The following HADHA variants were observed in gnomAD, a reference collection of about 807,000 sequenced individuals.
HADHA encodes hydroxyacyl-CoA dehydrogenase trifunctional multienzyme complex subunit alpha, also known as trifunctional enzyme subunit alpha, mitochondrial.
A neutral mutation model predicts 91.3 loss-of-function variants in HADHA; 59 were observed. That is an observed-to-expected ratio of 0.65 (90% CI 0.52 to 0.80). HADHA has a LOEUF of 0.80. HADHA is among the 30% of genes least tolerant of loss of function. The probability of loss-of-function intolerance (pLI) is 0.00; values close to 1 mark genes in which losing one functional copy is unlikely to be tolerated. For synonymous variants in HADHA, 320 were observed against 338.9 expected (o/e 0.94, Z 0.61); for missense variants, 800 against 927.6 (o/e 0.86, Z 1.79).
At position 26,234,079 on chromosome 2, in the gene HADHA, C is replaced by G. The variant is rs143980084; in HGVS notation, c.453+138G>C. ...CTGGGAGACAAGAGCAAAATTCCGT[C>G]TCAAAGCAAAAAACAAAAAACAAAG... On this transcript the variant is annotated intron_variant, in intron 5 of 19. Coordinates refer to ENST00000380649, the MANE Select transcript of HADHA (RefSeq NM_000182.5). The G allele has an allele frequency of 1.3e-3, 1,066 of 820,284 alleles. 7 individuals are homozygous for G. In the African/African-American group the frequency reaches 0.017, roughly 13 times the overall value. 50.8% of individuals were successfully genotyped at this position (820,284 alleles called of 1,614,324 possible).
chr2:26,225,247 G>C (rs747876565), intron 7 of HADHA, among the ~76,000 whole-genome samples: 1 of 152,100 alleles, frequency 6.6e-6, no homozygotes, highest in Non-Finnish European at 1.5e-5. Context: ...CACTTTGGGA[G>C]GCTGAGGCAG....
chr2:26,220,812 T>C (rs1670356485), intron 7 of HADHA, among the ~76,000 whole-genome samples: 1 of 152,250 alleles, frequency 6.6e-6, no homozygotes, highest in South Asian at 2.1e-4. Flanking sequence ...GAGAGCCTGA[T>C]TACCTTGTCC....
chr2:26,211,360 G>A (rs1416333368), intron 10 of HADHA, among the ~76,000 whole-genome samples: 2 of 151,634 alleles, frequency 1.3e-5, no homozygotes, highest in African/African-American at 4.9e-5. Context: ...TCCTTTTACA[G>A]GTTGAGCATC....
At position 26,230,274 on chromosome 2, in the gene HADHA, C is replaced by T; in HGVS notation, c.594G>A (p.Leu198=). 1 of 1,613,046 alleles carries T rather than the reference C, an allele frequency of 6.2e-7. No individual in the cohort carries two copies. The highest frequency in any genetic ancestry group is 8.5e-7 in the Non-Finnish European group (1 of 1,179,186). The stretch of plus-strand genomic sequence containing the variant: ...TGCTTCTACCAGTCAGCATCATGTC[C>T]AAAGCAGCAGGCACACCCACCTAAC... ...LPKMVGVPAA[L]DMMLTGRSIR... is the part of the protein sequence containing the mutation. The change falls in exon 7 of 20, where the codon TTG becomes TTA. Residue 198 remains leucine (L), a synonymous_variant. Coordinates refer to ENST00000380649, the MANE Select transcript of HADHA (RefSeq NM_000182.5).
chr2:26,242,821 G>A (rs13412468), intron 1 of HADHA, among the ~76,000 whole-genome samples: 3 of 152,140 alleles, frequency 2.0e-5, no homozygotes, highest in Non-Finnish European at 4.4e-5. Context: ...GCGCGATCTC[G>A]GCTCACTGCA....
At position 26,244,623 on chromosome 2, in the gene HADHA, G is replaced by T; in HGVS notation, c.-27C>A. On this transcript the variant is annotated 5_prime_UTR_variant, in exon 1 of 20. Coordinates refer to ENST00000380649, the MANE Select transcript of HADHA (RefSeq NM_000182.5). ...TTGAGCTGAAGAGGACAGCAGTGGA[G>T]AGCGCCTCTAACGGGTGCGGCCGAG... 6.4e-7 allele frequency: 1 copy of T among 1,563,114 alleles called. No individual in the cohort carries two copies. Among genetic ancestry groups the T allele is most frequent in the Non-Finnish European group, 8.7e-7 (1 of 1,153,208 alleles).
chr2:26,243,190 T>C (rs569586797), intron 1 of HADHA: 10 of 152,348 alleles, frequency 6.6e-5, no homozygotes, highest in Admixed American at 3.3e-4. Context: ...AGCTAGTGAC[T>C]AGAACCACGT....
chr2:26,230,349 A>T (rs1034177096), intron 6 of HADHA, 55 bp from the exon 7 acceptor site: 2 of 1,012,282 alleles, frequency 2.0e-6, no homozygotes, highest in African/African-American at 3.1e-5. Flanking sequence ...GGTGATAATT[A>T]TATAGTTTAC....
intron 11 of HADHA, among the ~76,000 whole-genome samples, chr2:26,209,004 C>T (rs1293653706): frequency 6.6e-6 from 1 of 152,144 alleles, no homozygotes; most frequent in African/African-American, 2.4e-5. Context: ...CTTAAATCCC[C>T]CACAGCAGTT....
intron 11 of HADHA, among the ~76,000 whole-genome samples, chr2:26,205,087 C>T (rs535247277): frequency 2.0e-5 from 3 of 152,268 alleles, no homozygotes; most frequent in East Asian, 1.9e-4. Context: ...GGAATGGCTT[C>T]GTGTCCATTA....
intron 4 of HADHA, 102 bp from the exon 5 acceptor site, chr2:26,234,457 T>G: frequency 3.0e-6 from 3 of 991,870 alleles, no homozygotes; most frequent in Non-Finnish European, 4.7e-6. Context: ...TGCATCAATA[T>G]TTGATGACAA....
rs534029189 is a variant in HADHA, at chr2:26,239,788, C to G, written c.68-645G>C. On this transcript the variant is annotated intron_variant, in intron 1 of 19. Transcript: ENST00000380649. Reference sequence around the variant, plus strand: ...AAGCAGAATGGGGTGATTTCAGGTTCTGCCTGCATTTCTTCTTTAAGCAAT... The same window carrying G: ...AAGCAGAATGGGGTGATTTCAGGTTGTGCCTGCATTTCTTCTTTAAGCAAT... Among the ~76,000 whole-genome samples, 200 of 152,092 alleles carry G rather than the reference C, an allele frequency of 1.3e-3. 1 individual carries two copies. Among genetic ancestry groups the G allele is most frequent in the African/African-American group, 4.7e-3 (195 of 41,476 alleles).
rs1458271689 is a variant in HADHA at position 26,191,540 on chromosome 2, G to A, written c.2089C>T (p.Pro697Ser). The change falls in exon 19 of 20, where the codon CCT becomes TCT. Residue 697 changes from proline (P) to serine (S), a missense_variant. Physicochemically the swap from Pro to Ser is moderately conservative, Grantham distance 74. Transcript: ENST00000380649. Reference sequence around the variant, plus strand: ...ACGGCTCCGATGTCTCCCTCTGCAGGTGTGGCCAAGATCCCCTCTTGCAGG... The same window carrying A: ...ACGGCTCCGATGTCTCCCTCTGCAGATGTGGCCAAGATCCCCTCTTGCAGG... Reference protein sequence around the residue: ...MCLQEGILATPAEGDIGAVFG... With the variant: ...MCLQEGILATSAEGDIGAVFG... 5.0e-6 allele frequency: 8 copies of A among 1,614,156 alleles called. No individual in the cohort carries two copies. Among genetic ancestry groups the A allele is most frequent in the Non-Finnish European group, 6.8e-6 (8 of 1,180,004 alleles).
At chr2:26,220,750 A>C (rs1670354518) in intron 7 of HADHA, among the ~76,000 whole-genome samples, 2 of 152,198 alleles carry the variant, frequency 1.3e-5, no homozygotes, top group South Asian at 4.1e-4. Context: ...TCAATGTCTT[A>C]CCTTAGGGGT....
At chr2:26,237,458 C>T (rs985633264) in intron 3 of HADHA, among the ~76,000 whole-genome samples, 1 of 152,084 alleles carries the variant, frequency 6.6e-6, no homozygotes, top group African/African-American at 2.4e-5. Context: ...GGAACCTTGC[C>T]TCTACAGAAA....
chr2:26,197,362 C>G (rs1272133867), intron 14 of HADHA, among the ~76,000 whole-genome samples: 1 of 152,210 alleles, frequency 6.6e-6, no homozygotes, highest in Non-Finnish European at 1.5e-5. Context: ...CAGTCACTGA[C>G]TCTGCTCTGT....
Position 26,234,279 on chromosome 2 carries a change from C to T in HADHA, c.391G>A (p.Glu131Lys), listed in dbSNP as rs748039988. 1.2e-6 allele frequency: 2 copies of T among 1,613,744 alleles called. No individual in the cohort carries two copies. Among genetic ancestry groups the T allele is most frequent in the East Asian group, 4.5e-5 (2 of 44,876 alleles). Reference protein sequence around the residue: ...QEAQRIVEKLEKSTKPIVAAI... With the variant: ...QEAQRIVEKLKKSTKPIVAAI... ...GCCACAATAGGCTTTGTGGACTTTTCAAGTTTCTCAACTATTCTCTGTGCT... is the reference window on the plus strand; with the variant it reads ...GCCACAATAGGCTTTGTGGACTTTTTAAGTTTCTCAACTATTCTCTGTGCT... The change falls in exon 5 of 20, where the codon GAA becomes AAA. Residue 131 changes from glutamate to lysine, a missense_variant. Transcript: ENST00000380649.
intron 7 of HADHA, among the ~76,000 whole-genome samples, chr2:26,223,265 G>A (rs1398295553): frequency 1.3e-5 from 2 of 152,158 alleles, no homozygotes; most frequent in Non-Finnish European, 2.9e-5. Flanking sequence ...GATTACCAAG[G>A]GGATATTAGG....
chr2:26,207,842 A>G (rs1241115625), intron 11 of HADHA, among the ~76,000 whole-genome samples: 1 of 152,232 alleles, frequency 6.6e-6, no homozygotes, highest in East Asian at 1.9e-4. Context: ...TGAAAGATTA[A>G]TTTGTAAAGA....
Sources: gnomAD v4.1 joint callset for allele counts (sites outside exome capture counted in the v4.1 genomes callset) on GRCh38, gnomAD v4.1.1 for gene constraint, MANE v1.5 for transcripts, NCBI Gene and HGNC (gene_info 2026-07-23, HGNC 2026-07-21) for gene names.